Variants in EPN2 observed in about 807,000 individuals in gnomAD.
EPN2 encodes epsin-2.
Under a neutral mutation model 61.7 loss-of-function variants are expected in EPN2, and 34 were observed. That is an observed-to-expected ratio of 0.55 (90% CI 0.42 to 0.73). The LOEUF (loss-of-function observed/expected upper bound fraction) is 0.73. Among genes scored for constraint, EPN2 ranks in the 30% least tolerant of loss-of-function variants. The pLI, the probability that EPN2 is intolerant of heterozygous loss-of-function variation, is 0.00. For missense variants in EPN2, 714 were observed against 839.2 expected, an observed-to-expected ratio of 0.85 and a Z score of 1.84; for synonymous variants, 349 against 353.6, an observed-to-expected ratio of 0.99 and a Z score of 0.15.
rs536252257 is a variant in EPN2 at position 19,273,868 on chromosome 17, C to CATA, written c.-293-8083_-293-8081dup. On this transcript the variant is annotated intron_variant, in intron 1 of 10. Transcript: ENST00000314728. The stretch of plus-strand genomic sequence containing the variant: ...ATTGCTAGCGTGGCTGAAACAGAGT[C>CATA]ATAATAGTCTTTTCTCTTTTGGCTG... 7.3e-3 allele frequency among the ~76,000 whole-genome samples: 1,111 copies of CATA among 152,258 alleles called. 11 individuals are homozygous for CATA. The highest frequency in any genetic ancestry group is 0.012 in the Admixed American group (180 of 15,290).
At chr17:19,293,910 A>G (rs1237226373) in intron 4 of EPN2, among the ~76,000 whole-genome samples, 3 of 151,956 alleles carry the variant, frequency 2.0e-5, no homozygotes, top group African/African-American at 7.2e-5. Flanking sequence ...CAACATGGTG[A>G]AACCCCTGTC....
chr17:19,307,666 A>C (rs1260811572), intron 4 of EPN2, among the ~76,000 whole-genome samples: 2 of 152,038 alleles, frequency 1.3e-5, no homozygotes, highest in Non-Finnish European at 2.9e-5. Flanking sequence ...ATTTATTGCT[A>C]TATGTTTTGT....
chr17:19,333,522 G>A (rs989054146), intron 10 of EPN2, among the ~76,000 whole-genome samples: 4 of 152,174 alleles, frequency 2.6e-5, no homozygotes, highest in South Asian at 2.1e-4. Flanking sequence ...TCTAGCCTTC[G>A]CGGTGTCATA....
intron 1 of EPN2, among the ~76,000 whole-genome samples, chr17:19,254,709 T>C (rs547329094): frequency 1.4e-4 from 22 of 152,150 alleles, no homozygotes; most frequent in Admixed American, 1.1e-3. Context: ...GGTTTGAGGA[T>C]GAGTAGTGGC....
intron 7 of EPN2, among the ~76,000 whole-genome samples, chr17:19,327,589 C>A (rs1362838589): frequency 6.6e-6 from 1 of 152,086 alleles, no homozygotes; most frequent in Non-Finnish European, 1.5e-5. Flanking sequence ...GGGAGGATCG[C>A]TTGAGCATGG....
chr17:19,295,440 G>A (rs1205544338), intron 4 of EPN2, among the ~76,000 whole-genome samples: 1 of 152,034 alleles, frequency 6.6e-6, no homozygotes, highest in Non-Finnish European at 1.5e-5. Flanking sequence ...GCTGAGGCAG[G>A]AGAATCACTT....
intron 1 of EPN2, among the ~76,000 whole-genome samples, chr17:19,273,794 T>C (rs1180226689): frequency 6.6e-6 from 1 of 152,278 alleles, no homozygotes; most frequent in African/African-American, 2.4e-5. Flanking sequence ...AAGGATTTTT[T>C]TCTTTTCATT....
chr17:19,259,308 C>CTTTTT (rs776768357), intron 1 of EPN2, among the ~76,000 whole-genome samples: 48 of 96,180 alleles, frequency 5.0e-4, no homozygotes, highest in East Asian at 4.7e-3. Context: ...AGTGTTGGGT[C>CTTTTT]TTTTTTTTTT....
At chr17:19,239,748 A>C (rs2044862854) in intron 1 of EPN2, among the ~76,000 whole-genome samples, 1 of 152,234 alleles carries the variant, frequency 6.6e-6, no homozygotes, top group South Asian at 2.1e-4. Context: ...AGCTGGCCAG[A>C]TGGAGAGCTC....
In EPN2 at chr17:19,253,685, C is replaced by T. The variant is rs1394134453; in HGVS notation, c.-294+16154C>T. ...CAGTGTTGGGATTATAGGTGTGAGC[C>T]ACTGTGCCTGGCCAATAGTTGCCAT... On this transcript the variant is annotated intron_variant, in intron 1 of 10. Transcript: ENST00000314728. Among the ~76,000 whole-genome samples the T allele has an allele frequency of 2.0e-5, 3 of 152,106 alleles. No homozygotes were observed. The South Asian group carries it at 6.2e-4, about 32-fold the overall frequency.
intron 7 of EPN2, among the ~76,000 whole-genome samples, chr17:19,318,393 AC>A (rs1427847227): frequency 1.3e-5 from 2 of 151,796 alleles, no homozygotes; most frequent in African/African-American, 4.8e-5. Context: ...TACTGAAAAT[AC>A]AAAAACTAGC....
chr17:19,318,703 A>G (rs1055872251), intron 7 of EPN2, among the ~76,000 whole-genome samples: 1 of 152,028 alleles, frequency 6.6e-6, no homozygotes, highest in African/African-American at 2.4e-5. Flanking sequence ...CAGGGCCCAT[A>G]AGAGCTAACT....
chr17:19,295,002 T>C (rs2057975504), intron 4 of EPN2, among the ~76,000 whole-genome samples: 1 of 152,176 alleles, frequency 6.6e-6, no homozygotes, highest in Non-Finnish European at 1.5e-5. Context: ...GGCATGCAGA[T>C]AGATTTGTCT....
At chr17:19,310,518 C>T (rs1906070388) in intron 5 of EPN2, among the ~76,000 whole-genome samples, 1 of 151,148 alleles carries the variant, frequency 6.6e-6, no homozygotes, top group Admixed American at 6.6e-5. Flanking sequence ...TTTTTCAGTT[C>T]CCATTTTTCT....
At chr17:19,277,036 T>C (rs1291947518) in intron 1 of EPN2, among the ~76,000 whole-genome samples, 2 of 151,848 alleles carry the variant, frequency 1.3e-5, no homozygotes, top group Non-Finnish European at 2.9e-5. Flanking sequence ...AATTGGAAAA[T>C]TGAGAAGGAA....
In EPN2 at chr17:19,283,429, C is replaced by A; in HGVS notation, c.310C>A (p.Gln104Lys). The A allele has an allele frequency of 6.2e-7, 1 of 1,614,234 alleles. No individual in the cohort carries two copies. Among genetic ancestry groups the A allele is most frequent in the South Asian group, 1.1e-5 (1 of 91,088 alleles). The change falls in exon 3 of 11, where the codon CAG becomes AAG. Residue 104 changes from glutamine to lysine, a missense_variant. Around this residue, in one of 2 missense-constraint regions of EPN2, gnomAD observed 304 missense variants for 417.4 expected, o/e 0.73. Coordinates refer to ENST00000314728, the MANE Select transcript of EPN2 (RefSeq NM_014964.5). This position sits in a 1 kb window ranked among gnomAD's most constrained non-coding sequence, Gnocchi z 7.0. ...GTGCCGGGAGAACATCTTCGCCATC[C>A]AGACCCTGAAGGACTTCCAGTACAT... is the stretch of plus-strand genomic sequence containing the variant. ...QQCRENIFAI[Q>K]TLKDFQYIDR...
rs1044615212 is a variant in EPN2, at chr17:19,256,041, C to T, written c.-294+18510C>T. On this transcript the variant is annotated intron_variant, in intron 1 of 10. Coordinates refer to ENST00000314728, the MANE Select transcript of EPN2 (RefSeq NM_014964.5). ...CAAGCTCTGCCTCCTGGGTTCATAC[C>T]ATTCTCCTGCCTCAGCCTCCCGAGT... Among the ~76,000 whole-genome samples the T allele has an allele frequency of 2.1e-4, 32 of 151,982 alleles. 1 individual carries two copies. Among genetic ancestry groups the T allele is most frequent in the Admixed American group, 1.0e-3 (16 of 15,274 alleles).
intron 10 of EPN2, 41 bp downstream of exon 10, chr17:19,332,109 C>T: frequency 2.7e-6 from 4 of 1,502,546 alleles, no homozygotes; most frequent in South Asian, 1.1e-5. Context: ...CCTGCTGTGC[C>T]TGGGAATGGG....
At chr17:19,329,512 ATGAAGTCC>A (rs1567870543) in intron 8 of EPN2, 41 bp from the exon 9 acceptor site, 2 of 1,231,708 alleles carry the variant, frequency 1.6e-6, no homozygotes, top group Non-Finnish European at 2.4e-6. Flanking sequence ...TGGAGTTGCC[ATGAAGTCC>A]TGTGAGATGC....
Sources: allele counts gnomAD v4.1 joint callset (sites outside exome capture counted in the v4.1 genomes callset), GRCh38; gene constraint gnomAD v4.1.1; regional missense constraint gnomAD v4.1.1; non-coding constraint Gnocchi (gnomAD v3.1); transcripts MANE v1.5; gene names NCBI Gene and HGNC (gene_info 2026-07-23, HGNC 2026-07-21).